SUSD1: variants seen among roughly 807,000 people sequenced by gnomAD.
SUSD1 encodes sushi domain-containing protein 1.
SUSD1 carries 65 observed loss-of-function variants against 86.9 expected under a neutral mutation model. That is an observed-to-expected ratio of 0.75 (90% confidence interval 0.61 to 0.92). SUSD1 has a LOEUF of 0.92. Among genes scored for constraint, SUSD1 ranks in the 40% least tolerant of loss-of-function variants. The pLI, the probability that SUSD1 is intolerant of heterozygous loss-of-function variation, is 0.00. For synonymous variants in SUSD1, 346 were observed against 350.0 expected, an observed-to-expected ratio of 0.99 and a Z score of 0.13; for missense variants, 850 against 929.7, an observed-to-expected ratio of 0.91 and a Z score of 1.11.
intron 1 of SUSD1, among the ~76,000 whole-genome samples, chr9:112,159,199 G>C (rs1011270879): frequency 6.6e-6 from 1 of 152,120 alleles, no homozygotes; most frequent in African/African-American, 2.4e-5. Context: ...AGGCTATGTG[G>C]TATACTGTGT....
At chr9:112,079,467 G>A (rs1309333805) in intron 11 of SUSD1, among the ~76,000 whole-genome samples, 1 of 152,112 alleles carries the variant, frequency 6.6e-6, no homozygotes, top group Non-Finnish European at 1.5e-5. Context: ...TAGAACCTGA[G>A]AACAGTTTTT....
intron 4 of SUSD1, 71 bp from the exon 5 acceptor site, chr9:112,142,570 C>T (rs1479144474): frequency 6.8e-7 from 1 of 1,466,994 alleles, no homozygotes. Context: ...TCTCTCTCCA[C>T]CTCTACCCTA....
chr9:112,141,409 G>T (rs1159983320), intron 5 of SUSD1, among the ~76,000 whole-genome samples: 1 of 152,136 alleles, frequency 6.6e-6, no homozygotes, highest in Non-Finnish European at 1.5e-5. Flanking sequence ...AGGCGCAGTG[G>T]CTCACACCTG....
intron 15 of SUSD1, among the ~76,000 whole-genome samples, chr9:112,049,864 A>C (rs1225321068): frequency 2.0e-5 from 3 of 152,198 alleles, no homozygotes; most frequent in Non-Finnish European, 4.4e-5. Flanking sequence ...CTCTCCTTCA[A>C]TATTGGTTCT....
chr9:112,143,986 T>A (rs966930247), intron 3 of SUSD1, among the ~76,000 whole-genome samples: 1 of 152,130 alleles, frequency 6.6e-6, no homozygotes. Flanking sequence ...ACACCTGTAA[T>A]CCCAGCACTT....
intron 12 of SUSD1, among the ~76,000 whole-genome samples, chr9:112,072,142 T>C (rs13301753): frequency 0.2 from 11,800 of 58,100 alleles, 542 homozygotes; most frequent in Non-Finnish European, 0.22. Context: ...TTCTTTCTCT[T>C]TTTTTTTTTT....
chr9:112,108,110 C>T (rs1243854034), intron 8 of SUSD1, among the ~76,000 whole-genome samples: 2 of 152,080 alleles, frequency 1.3e-5, no homozygotes, highest in Admixed American at 1.3e-4. Context: ...CCACTGTATA[C>T]AATGCTTGTA....
chr9:112,139,333 GCAAATATAATC>G (rs1384838023), intron 5 of SUSD1, among the ~76,000 whole-genome samples: 3 of 152,146 alleles, frequency 2.0e-5, no homozygotes, highest in Non-Finnish European at 4.4e-5. Flanking sequence ...GTAAAATTTA[GCAAATATAATC>G]CAAATGAAAG....
At position 112,041,836 on chromosome 9, in the gene SUSD1, G is replaced by A. The variant is rs563245866; in HGVS notation, c.2243+31C>T. ...CTGACCCATCCTCCCCTCCATTCCA[G>A]TCATTTCTCAAAAATGACACCCTCA... On this transcript the variant is annotated intron_variant, in intron 16 of 16. Transcript: ENST00000374270. The A allele has an allele frequency of 1.3e-5, 20 of 1,599,112 alleles. No homozygotes were observed. The South Asian group carries it at 2.1e-4, about 17-fold the overall frequency.
chr9:112,065,976 TCAA>T (rs1828958498), intron 12 of SUSD1, among the ~76,000 whole-genome samples: 1 of 152,196 alleles, frequency 6.6e-6, no homozygotes, highest in Admixed American at 6.5e-5. Flanking sequence ...CTCTGCTGTT[TCAA>T]CAAATACTCA....
intron 5 of SUSD1, among the ~76,000 whole-genome samples, chr9:112,126,981 A>G (rs748774664): frequency 6.6e-6 from 1 of 152,230 alleles, no homozygotes; most frequent in Admixed American, 6.5e-5. Context: ...AGACTGCTCA[A>G]AATGATAGAA....
At chr9:112,151,203 C>T (rs1833029009) in intron 2 of SUSD1, among the ~76,000 whole-genome samples, 1 of 152,226 alleles carries the variant, frequency 6.6e-6, no homozygotes, top group African/African-American at 2.4e-5. Flanking sequence ...CCTTAGCCTC[C>T]CAAAGAGCTC....
Position 112,058,596 on chromosome 9 carries a change from A to G in SUSD1, c.1941T>C (p.Ser647=). 6.2e-7 allele frequency: 1 copy of G among 1,614,170 alleles called. No individual in the cohort carries two copies. Among genetic ancestry groups the G allele is most frequent in the Non-Finnish European group, 8.5e-7 (1 of 1,180,018 alleles). The part of the protein sequence containing the change: ...EGASSFFSNA[S]DADGYVAAEL... ...CTGCAGCCACGTATCCATCAGCATCAGAGGCGTTGCTAAAGAAGGAGGAAG... is the reference window on the plus strand; with the variant it reads ...CTGCAGCCACGTATCCATCAGCATCGGAGGCGTTGCTAAAGAAGGAGGAAG... The change falls in exon 14 of 17, where the codon TCT becomes TCC. Residue 647 remains serine (S), a synonymous_variant. Coordinates refer to ENST00000374270, the MANE Select transcript of SUSD1 (RefSeq NM_022486.5).
intron 10 of SUSD1, among the ~76,000 whole-genome samples, chr9:112,083,896 C>G (rs116745490): frequency 1.3e-5 from 2 of 152,266 alleles, no homozygotes; most frequent in East Asian, 3.9e-4. Flanking sequence ...GTTCCCATTG[C>G]GCTTTACATA....
Position 112,075,194 on chromosome 9 carries a change from G to C in SUSD1, c.1753+3344C>G, listed in dbSNP as rs147443768. Among the ~76,000 whole-genome samples, 617 of 152,160 alleles carry C rather than the reference G, an allele frequency of 4.1e-3. 6 individuals are homozygous for C. The highest frequency in any genetic ancestry group is 0.014 in the African/African-American group (581 of 41,530). On this transcript the variant is annotated intron_variant, in intron 12 of 16. Coordinates refer to ENST00000374270, the MANE Select transcript of SUSD1 (RefSeq NM_022486.5). Reference sequence around the variant, plus strand: ...AGACTGAACACCACTTGTCTCTCCAGCCCAAAATGTGGGGAATTCTTTCTG... The same window carrying C: ...AGACTGAACACCACTTGTCTCTCCACCCCAAAATGTGGGGAATTCTTTCTG...
chr9:112,083,340 G>T lies in SUSD1; in HGVS notation c.1475-3175C>A, dbSNP rs183052679. Among the ~76,000 whole-genome samples, 14 of 152,042 alleles carry T rather than the reference G, an allele frequency of 9.2e-5. No individual in the cohort carries two copies. The East Asian group carries it at 2.7e-3, about 29-fold the overall frequency. The stretch of plus-strand genomic sequence containing the variant: ...CCTCCTGAGTTCAAGCAATTCTCCT[G>T]CCTCAGCCTCCCAAGTAGCTGGGAC... On this transcript the variant is annotated intron_variant, in intron 10 of 16. Coordinates refer to ENST00000374270, the MANE Select transcript of SUSD1 (RefSeq NM_022486.5).
Position 112,138,240 on chromosome 9 carries a change from T to TATATATATATATATGTATATACAC in SUSD1, c.706+4079_706+4080insGTGTATATACATATATATATATAT, listed in dbSNP as rs1554770290. Reference sequence around the variant, plus strand: ...CTCCATCTCAAAAAAAAAATGTGTATATATATATATATATATGTGTATATA... The same window carrying TATATATATATATATGTATATACAC: ...CTCCATCTCAAAAAAAAAATGTGTATATATATATATATATGTATATACACATATATATATATATATGTGTATATA... On this transcript the variant is annotated intron_variant, in intron 5 of 16. Coordinates refer to ENST00000374270, the MANE Select transcript of SUSD1 (RefSeq NM_022486.5). Among the ~76,000 whole-genome samples, 8 of 25,038 alleles carry TATATATATATATATGTATATACAC rather than the reference T, an allele frequency of 3.2e-4. 3 individuals are homozygous for TATATATATATATATGTATATACAC. The highest frequency in any genetic ancestry group is 1.2e-3 in the African/African-American group (8 of 6,670). 16.4% of individuals were successfully genotyped at this position (25,038 alleles called of 152,430 possible). A position where few individuals can be genotyped will look rare whatever the true frequency, so the allele number is the denominator to read the frequency against.
intron 5 of SUSD1, among the ~76,000 whole-genome samples, chr9:112,139,135 T>C (rs569975717): frequency 1.3e-5 from 2 of 152,286 alleles, no homozygotes; most frequent in Non-Finnish European, 2.9e-5. Flanking sequence ...ATCCAGATGG[T>C]TTTATAGGTG....
chr9:112,141,645 G>C (rs10817269), intron 5 of SUSD1, among the ~76,000 whole-genome samples: 67,807 of 149,402 alleles, frequency 0.45, 16,081 homozygotes, highest in African/African-American at 0.6. Flanking sequence ...CCACTACACT[G>C]CAGACTGGGT....
Sources: allele counts gnomAD v4.1 joint callset (sites outside exome capture counted in the v4.1 genomes callset), GRCh38; gene constraint gnomAD v4.1.1; transcripts MANE v1.5; gene names NCBI Gene and HGNC (gene_info 2026-07-23, HGNC 2026-07-21).